The following NSUN6 variants were observed in gnomAD, a reference collection of about 807,000 sequenced individuals.
NSUN6 encodes the protein NOP2/Sun RNA methyltransferase 6, also known as tRNA (cytosine(72)-C(5))-methyltransferase NSUN6.
Under a neutral mutation model 58.0 loss-of-function variants are expected in NSUN6, and 64 were observed. The observed-to-expected ratio is 1.10, with a 90% CI of 0.90 to 1.36. The LOEUF is 1.36. Among genes scored for constraint, NSUN6 ranks in the 40% most tolerant of loss-of-function variants. NSUN6 has a pLI of 0.00. For missense variants in NSUN6, 701 were observed against 550.1 expected (o/e 1.27, Z -2.74); for synonymous variants, 231 against 193.9 (o/e 1.19, Z -1.59).
chr10:18,565,339 C>T (rs550561079), intron 8 of NSUN6, among the ~76,000 whole-genome samples: 38 of 150,890 alleles, frequency 2.5e-4, no homozygotes, highest in Non-Finnish European at 5.2e-4. Context: ...CCATTCCCTT[C>T]CATTCTCCAT....
At chr10:18,597,109 G>A (rs1385993787) in intron 6 of NSUN6, among the ~76,000 whole-genome samples, 1 of 151,938 alleles carries the variant, frequency 6.6e-6, no homozygotes, top group Non-Finnish European at 1.5e-5. Context: ...TTTCTGACTG[G>A]GACCTAAATA....
At chr10:18,619,929 G>C (rs942847942) in intron 3 of NSUN6, among the ~76,000 whole-genome samples, 2 of 151,726 alleles carry the variant, frequency 1.3e-5, no homozygotes, top group African/African-American at 4.8e-5. Context: ...TACTATGTGC[G>C]ATGCAATATA....
At chr10:18,564,227 C>G (rs1043526938) in intron 8 of NSUN6, among the ~76,000 whole-genome samples, 1 of 150,860 alleles carries the variant, frequency 6.6e-6, no homozygotes, top group African/African-American at 2.4e-5. Context: ...TCCATCCACT[C>G]TCTATTACAT....
rs2057914577 is a variant in NSUN6, at chr10:18,603,193, T to C, written c.657+6652A>G. Among the ~76,000 whole-genome samples, 3 of 152,268 alleles carry C rather than the reference T, an allele frequency of 2.0e-5. No individual in the cohort carries two copies. The South Asian group carries it at 6.2e-4, about 32-fold the overall frequency. ...CCTGTAATCCAGCTTCTTGGAAGGC[T>C]GAGGCATGAGAATCGGTTGAACCTG... is the stretch of plus-strand genomic sequence containing the variant. On this transcript the variant is annotated intron_variant, in intron 6 of 10. Transcript: ENST00000377304.
intron 10 of NSUN6, 82 bp from the exon 11 acceptor site, chr10:18,546,227 A>G: frequency 1.0e-6 from 1 of 979,854 alleles, no homozygotes; most frequent in Middle Eastern, 2.2e-4. Flanking sequence ...TAAAAGACAA[A>G]TTGGGCTGTA....
At chr10:18,627,702 AT>A (rs1403693322) in intron 3 of NSUN6, among the ~76,000 whole-genome samples, 2 of 152,238 alleles carry the variant, frequency 1.3e-5, no homozygotes, top group African/African-American at 4.8e-5. Context: ...CGCTTTTCCG[AT>A]TGGCTTAAAA....
chr10:18,610,528 A>G (rs1188814580), intron 5 of NSUN6, among the ~76,000 whole-genome samples: 1 of 152,208 alleles, frequency 6.6e-6, no homozygotes, highest in Non-Finnish European at 1.5e-5. Context: ...AAAAGCAAAT[A>G]CCACCTCATT....
intron 8 of NSUN6, among the ~76,000 whole-genome samples, chr10:18,552,509 T>C (rs1251000944): frequency 6.6e-6 from 1 of 152,160 alleles, no homozygotes; most frequent in East Asian, 1.9e-4. Flanking sequence ...ACTTCAGTAA[T>C]TTTCTCTAAC....
chr10:18,597,068 G>A (rs932703821), intron 6 of NSUN6, among the ~76,000 whole-genome samples: 3 of 151,914 alleles, frequency 2.0e-5, no homozygotes, highest in South Asian at 2.1e-4. Flanking sequence ...AACAAACAAC[G>A]ACAACAACAA....
At chr10:18,554,474 TGGAGAATGGAATGAAAG>T (rs1222888080) in intron 8 of NSUN6, among the ~76,000 whole-genome samples, 3 of 143,394 alleles carry the variant, frequency 2.1e-5, no homozygotes, top group Non-Finnish European at 4.6e-5. Context: ...TGGAATGGAG[TGGAGAATGGAATGAAAG>T]GGAGAATGGA....
At chr10:18,628,457 G>A (rs1021569862) in intron 3 of NSUN6, among the ~76,000 whole-genome samples, 2 of 152,160 alleles carry the variant, frequency 1.3e-5, no homozygotes, top group East Asian at 3.9e-4. Context: ...AAATTACTCC[G>A]AGCTACGGGA....
intron 3 of NSUN6, among the ~76,000 whole-genome samples, chr10:18,638,562 C>A (rs1252927897): frequency 6.6e-6 from 1 of 152,146 alleles, no homozygotes; most frequent in East Asian, 1.9e-4. Context: ...AAGCAAAAGA[C>A]AAGGTACTGT....
At position 18,602,571 on chromosome 10, in the gene NSUN6, T is replaced by C. The variant is rs576473516; in HGVS notation, c.658-6244A>G. ...TTTTAGTAGAGATGGTGTTTCACCA[T>C]GTTGGCCAGGCTGGTCTCGAACTCC... On this transcript the variant is annotated intron_variant, in intron 6 of 10. Transcript: ENST00000377304. 4.6e-5 allele frequency among the ~76,000 whole-genome samples: 7 copies of C among 151,944 alleles called. No homozygotes were observed. In the South Asian group the frequency reaches 1.2e-3, roughly 27 times the overall value.
intron 7 of NSUN6, among the ~76,000 whole-genome samples, chr10:18,593,159 C>T (rs933874715): frequency 7.9e-5 from 12 of 152,140 alleles, no homozygotes; most frequent in Admixed American, 5.9e-4. Flanking sequence ...CAATGAGATA[C>T]CATCTCACGC....
chr10:18,656,067 C>T (rs1043064724), upstream of NSUN6, among the ~76,000 whole-genome samples: 2 of 152,094 alleles, frequency 1.3e-5, no homozygotes, highest in East Asian at 1.9e-4. Context: ...ATGATAGGAG[C>T]GAGACGTGAG....
intron 7 of NSUN6, among the ~76,000 whole-genome samples, chr10:18,590,964 A>T (rs539930492): frequency 3.9e-4 from 60 of 152,250 alleles, no homozygotes; most frequent in African/African-American, 1.4e-3. Context: ...TGGTTTTTTG[A>T]AAAGATTAAC....
At chr10:18,651,994 T>A, upstream of NSUN6, 1 of 985,444 alleles carries the variant, frequency 1.0e-6, no homozygotes, top group Non-Finnish European at 1.2e-6. Context: ...AGCCACCGTT[T>A]GATTTCATGA....
chr10:18,558,694 G>C lies in NSUN6; in HGVS notation c.923-6723C>G, dbSNP rs980408786. Among the ~76,000 whole-genome samples, 6 of 146,070 alleles carry C rather than the reference G, an allele frequency of 4.1e-5. No individual in the cohort carries two copies. In the Admixed American group the frequency reaches 4.1e-4, roughly 10 times the overall value. On this transcript the variant is annotated intron_variant, in intron 8 of 10. Transcript: ENST00000377304. ...AAAATGGAAAAGAATGGAATGGAAT[G>C]GCGGAAGGAATGGAATTGAAAGTGG... is the stretch of plus-strand genomic sequence containing the variant.
At chr10:18,657,591 A>C (rs537693997), upstream of NSUN6, among the ~76,000 whole-genome samples, 3 of 151,920 alleles carry the variant, frequency 2.0e-5, no homozygotes, top group Non-Finnish European at 4.4e-5. Context: ...TTTTGCTTCA[A>C]ATCTCTGCAT....
Sources: allele counts gnomAD v4.1 joint callset (sites outside exome capture counted in the v4.1 genomes callset), GRCh38; gene constraint gnomAD v4.1.1; transcripts MANE v1.5; gene names NCBI Gene and HGNC (gene_info 2026-07-23, HGNC 2026-07-21).